Variants in PCBD1 observed in about 807,000 individuals in gnomAD.
PCBD1 encodes the protein pterin-4 alpha-carbinolamine dehydratase 1.
PCBD1 carries 16 observed loss-of-function variants against 12.6 expected under a neutral mutation model. That is an observed-to-expected ratio of 1.27 (90% confidence interval 0.86 to 1.93). PCBD1 has a LOEUF of 1.93. Among genes scored for constraint, PCBD1 ranks in the 30% most tolerant of loss-of-function variants. The pLI is 0.00. For synonymous variants in PCBD1, 53 were observed against 50.2 expected (o/e 1.05, Z -0.23); for missense variants, 86 against 130.1 (o/e 0.66, Z 1.65).
At chr10:70,882,613 T>C (rs140426446), downstream of PCBD1, 2 of 152,360 alleles carry the variant, frequency 1.3e-5, no homozygotes, top group African/African-American at 4.8e-5. Context: ...GCCCTTTTTT[T>C]CTGTACAGGC....
chr10:70,888,452 C>A, intron 1 of PCBD1, 79 bp downstream of exon 1: 1 of 1,432,146 alleles, frequency 7.0e-7, no homozygotes, highest in Non-Finnish European at 9.2e-7. Flanking sequence ...GACTTTCCCC[C>A]GCCCCTTCCC....
chr10:70,886,040 G>A, intron 1 of PCBD1, 111 bp from the exon 2 acceptor site: 1 of 1,385,132 alleles, frequency 7.2e-7, no homozygotes, highest in Non-Finnish European at 9.9e-7. Context: ...TTGGACGTGG[G>A]TGACCAAAGG....
At chr10:70,885,335 C>G in intron 2 of PCBD1, 103 bp from the exon 3 acceptor site, 2 of 801,776 alleles carry the variant, frequency 2.5e-6, no homozygotes, top group Non-Finnish European at 4.3e-6. Flanking sequence ...AGCTTCCCCC[C>G]AGGAGACTCC....
chr10:70,883,411 A>C (rs1391179861), downstream of PCBD1: 1 of 514,730 alleles, frequency 1.9e-6, no homozygotes, highest in East Asian at 1.1e-4. Context: ...AGTACCTTGA[A>C]CAGAGGAAGT....
chr10:70,886,986 C>A (rs1373397239), intron 1 of PCBD1, among the ~76,000 whole-genome samples: 1 of 152,112 alleles, frequency 6.6e-6, no homozygotes, highest in Non-Finnish European at 1.5e-5. Context: ...TGAAAAGATA[C>A]CCTTAGGGGT....
At position 70,883,676 on chromosome 10, in the gene PCBD1, T is replaced by C. The variant is rs774812466; in HGVS notation, c.*274A>G. 18 of 1,325,680 alleles carry C rather than the reference T, an allele frequency of 1.4e-5. No individual in the cohort carries two copies. Among genetic ancestry groups the C allele is most frequent in the African/African-American group, 3.0e-5 (2 of 67,308 alleles). 82.1% of individuals were successfully genotyped at this position (1,325,680 alleles called of 1,614,324 possible). A position where few individuals can be genotyped will look rare whatever the true frequency, so the allele number is the denominator to read the frequency against. ...AGAGACGGCCTGGCAAGAAAATCAT[T>C]ATTGTTGCTGGGAAGTTGCAAAGAA... On this transcript the variant is annotated 3_prime_UTR_variant, in exon 4 of 4. Coordinates refer to ENST00000299299, the MANE Select transcript of PCBD1 (RefSeq NM_000281.4).
chr10:70,884,957 G>C (rs1249288957), intron 3 of PCBD1, among the ~76,000 whole-genome samples, 195 bp downstream of exon 3: 2 of 151,868 alleles, frequency 1.3e-5, no homozygotes, highest in African/African-American at 4.8e-5. Context: ...TTTATAGTAA[G>C]ACTGATTTTT....
At chr10:70,885,688 G>C (rs10999574) in intron 2 of PCBD1, 110 bp downstream of exon 2, 1 of 1,331,694 alleles carries the variant, frequency 7.5e-7, no homozygotes, top group Admixed American at 1.8e-5. Flanking sequence ...AACTGGATGA[G>C]TGTGGTGTCT....
intron 1 of PCBD1, 112 bp downstream of exon 1, chr10:70,888,419 C>T (rs1344435963): frequency 4.8e-6 from 6 of 1,240,752 alleles, no homozygotes; most frequent in South Asian, 4.8e-5. Context: ...CGGACCCCGG[C>T]GGCTCCGCAG....
chr10:70,885,734 C>G, intron 2 of PCBD1, 64 bp downstream of exon 2: 1 of 1,600,704 alleles, frequency 6.2e-7, no homozygotes, highest in Non-Finnish European at 8.5e-7. Flanking sequence ...AGGGAGAGAA[C>G]ATGCTTTGTA....
At chr10:70,887,469 C>CCTT (rs1404886708) in intron 1 of PCBD1, among the ~76,000 whole-genome samples, 3 of 152,202 alleles carry the variant, frequency 2.0e-5, no homozygotes, top group Non-Finnish European at 4.4e-5. Context: ...CCAGAGCTGG[C>CCTT]CTTCTCCCCG....
chr10:70,885,665 A>AAAAT, intron 2 of PCBD1, 133 bp downstream of exon 2: 1 of 1,139,654 alleles, frequency 8.8e-7, no homozygotes. Context: ...CCCCACTGGC[A>AAAAT]CAGTGCCCAA....
intron 1 of PCBD1, chr10:70,887,721 T>C (rs1307731439): frequency 6.6e-6 from 1 of 152,228 alleles, no homozygotes; most frequent in East Asian, 1.9e-4. Context: ...TTGCCTCCTC[T>C]GGCGAGGTGT....
chr10:70,888,358 G>T, intron 1 of PCBD1, 173 bp downstream of exon 1: 1 of 637,116 alleles, frequency 1.6e-6, no homozygotes. Flanking sequence ...CAGGGCTTCA[G>T]CTTCCCCTCC....
intron 2 of PCBD1, 75 bp from the exon 3 acceptor site, chr10:70,885,307 G>C (rs1433492044): frequency 9.2e-7 from 1 of 1,081,174 alleles, no homozygotes; most frequent in African/African-American, 1.5e-5. Flanking sequence ...TCAAGGCCTA[G>C]ACGCAGGAGG....
intron 1 of PCBD1, among the ~76,000 whole-genome samples, chr10:70,887,576 G>A (rs1270753025): frequency 1.3e-5 from 2 of 152,164 alleles, no homozygotes; most frequent in East Asian, 3.9e-4. Context: ...GGGTGGGTGA[G>A]TCCAGGTGAG....
chr10:70,884,349 A>G (rs181696577), intron 3 of PCBD1, among the ~76,000 whole-genome samples: 1 of 152,312 alleles, frequency 6.6e-6, no homozygotes, highest in East Asian at 1.9e-4. Flanking sequence ...CTATCCATTC[A>G]TAGACGACCT....
At chr10:70,883,484 G>A, downstream of PCBD1, 5 of 1,060,764 alleles carry the variant, frequency 4.7e-6, no homozygotes, top group Non-Finnish European at 5.7e-6. Flanking sequence ...ATTGACCTGT[G>A]GAAAAGAAGT....
chr10:70,888,391 G>C, intron 1 of PCBD1, 140 bp downstream of exon 1: 1 of 961,778 alleles, frequency 1.0e-6, no homozygotes, highest in Non-Finnish European at 1.4e-6. Context: ...ACAGAGAGCC[G>C]GGCAGAGACC....
Sources: allele counts gnomAD v4.1 joint callset (sites outside exome capture counted in the v4.1 genomes callset), GRCh38; gene constraint gnomAD v4.1.1; transcripts MANE v1.5; gene names NCBI Gene and HGNC (gene_info 2026-07-23, HGNC 2026-07-21).